The following AAMDC variants were observed in gnomAD, a reference collection of about 807,000 sequenced individuals.
AAMDC encodes mth938 domain-containing protein.
AAMDC carries 16 observed loss-of-function variants against 15.5 expected under a neutral mutation model. The observed-to-expected ratio is 1.03, with a 90% CI of 0.70 to 1.57. The LOEUF is 1.57. Among genes scored for constraint, AAMDC ranks in the 40% most tolerant of loss-of-function variants. AAMDC has a pLI of 0.00. For missense variants in AAMDC, 141 were observed against 144.9 expected (o/e 0.97, Z 0.14); for synonymous variants, 51 against 51.6 (o/e 0.99, Z 0.05).
intron 5 of AAMDC, chr11:77,878,564 T>C: frequency 2.0e-6 from 1 of 510,152 alleles, no homozygotes; most frequent in South Asian, 3.5e-5. Flanking sequence ...AAACACACCG[T>C]CACTTTAAGA....
At chr11:77,880,451 A>T (rs894606367) in intron 5 of AAMDC, among the ~76,000 whole-genome samples, 10 of 152,224 alleles carry the variant, frequency 6.6e-5, no homozygotes, top group African/African-American at 4.8e-5. Context: ...TGATAAGCAC[A>T]CACTCACATG....
intron 2 of AAMDC, among the ~76,000 whole-genome samples, chr11:77,860,227 G>A (rs1260534546): frequency 2.6e-5 from 4 of 152,190 alleles, no homozygotes; most frequent in Non-Finnish European, 5.9e-5. Context: ...TCTGCTTCAG[G>A]TTTCCACCTT....
At chr11:77,865,257 T>A (rs560137995) in intron 2 of AAMDC, among the ~76,000 whole-genome samples, 1 of 152,184 alleles carries the variant, frequency 6.6e-6, no homozygotes, top group Non-Finnish European at 1.5e-5. Flanking sequence ...ATCTCAAAAT[T>A]CAGTAGCATA....
chr11:77,879,493 T>C (rs1244081247), intron 5 of AAMDC, among the ~76,000 whole-genome samples: 1 of 152,200 alleles, frequency 6.6e-6, no homozygotes. Context: ...TGATACCCAG[T>C]TGGGCTCTTC....
At chr11:77,844,310 A>G (rs1790246) in intron 2 of AAMDC, among the ~76,000 whole-genome samples, 116,752 of 152,100 alleles carry the variant, frequency 0.77, 45,406 homozygotes, top group African/African-American at 0.89. Context: ...ACATTTTTAA[A>G]GGACACACAT....
At chr11:77,898,830 G>A (rs1371665358) in intron 5 of AAMDC, among the ~76,000 whole-genome samples, 1 of 152,014 alleles carries the variant, frequency 6.6e-6, no homozygotes, top group Non-Finnish European at 1.5e-5. Flanking sequence ...GACCAGCATG[G>A]CCAACATGGT....
chr11:77,879,719 C>G (rs1249518187), intron 5 of AAMDC, among the ~76,000 whole-genome samples: 2 of 152,070 alleles, frequency 1.3e-5, no homozygotes, highest in Non-Finnish European at 2.9e-5. Context: ...CAGGTCCTAG[C>G]AAGAATAATT....
downstream of AAMDC, among the ~76,000 whole-genome samples, chr11:77,872,883 A>G (rs1358586955): frequency 2.6e-5 from 4 of 152,332 alleles, no homozygotes; most frequent in East Asian, 3.9e-4. Context: ...CCCAAGAGGT[A>G]GAGGTTGCGG....
chr11:77,837,053 G>A (rs1949712144), intron 1 of AAMDC, among the ~76,000 whole-genome samples: 1 of 152,246 alleles, frequency 6.6e-6, no homozygotes, highest in Non-Finnish European at 1.5e-5. Context: ...CATGTTTTAT[G>A]AATTTGTATC....
intron 1 of AAMDC, among the ~76,000 whole-genome samples, chr11:77,822,414 CA>C (rs66463325): frequency 0.021 from 1,598 of 74,708 alleles, 11 homozygotes; most frequent in African/African-American, 0.074. Flanking sequence ...GACTCCACCT[CA>C]AAAAAAAAAA....
intron 5 of AAMDC, among the ~76,000 whole-genome samples, chr11:77,885,981 G>A (rs1191911684): frequency 3.3e-5 from 5 of 152,054 alleles, no homozygotes. Flanking sequence ...CGGGAGGATT[G>A]CTTGAAGACA....
chr11:77,851,205 G>A (rs541823028), intron 2 of AAMDC, among the ~76,000 whole-genome samples: 3 of 152,052 alleles, frequency 2.0e-5, no homozygotes, highest in Non-Finnish European at 2.9e-5. Flanking sequence ...CACCTGCCTC[G>A]GCCTCCCAAA....
At chr11:77,897,661 C>T (rs1273573577) in intron 5 of AAMDC, among the ~76,000 whole-genome samples, 9 of 135,496 alleles carry the variant, frequency 6.6e-5, no homozygotes, top group South Asian at 2.2e-4. Flanking sequence ...CCACCACGCC[C>T]GGCTAATTTT....
intron 5 of AAMDC, among the ~76,000 whole-genome samples, chr11:77,882,704 C>A (rs952132371): frequency 6.6e-6 from 1 of 152,154 alleles, no homozygotes; most frequent in African/African-American, 2.4e-5. Flanking sequence ...CACTAGAACC[C>A]CAAAGGGGCT....
chr11:77,898,778 G>A (rs1003594218), intron 5 of AAMDC, among the ~76,000 whole-genome samples: 1 of 152,166 alleles, frequency 6.6e-6, no homozygotes, highest in African/African-American at 2.4e-5. Flanking sequence ...CCAGCACTTT[G>A]GGAGGCCAAG....
intron 5 of AAMDC, among the ~76,000 whole-genome samples, chr11:77,878,124 A>G (rs949646280): frequency 4.6e-5 from 7 of 152,130 alleles, no homozygotes; most frequent in Non-Finnish European, 1.0e-4. Flanking sequence ...GCATTTTGGG[A>G]GGCCAAGGTG....
At chr11:77,839,872 C>T (rs907162555) in intron 1 of AAMDC, among the ~76,000 whole-genome samples, 1 of 152,034 alleles carries the variant, frequency 6.6e-6, no homozygotes, top group Admixed American at 6.6e-5. Flanking sequence ...CCATGTGGGG[C>T]TTAATACCTA....
chr11:77,841,297 C>G, intron 1 of AAMDC: 1 of 696,404 alleles, frequency 1.4e-6, no homozygotes, highest in Non-Finnish European at 2.6e-6. Context: ...GACATTCAAA[C>G]CATAGCACTA....
intron 2 of AAMDC, among the ~76,000 whole-genome samples, chr11:77,861,908 C>T (rs1450107510): frequency 6.6e-6 from 1 of 152,194 alleles, no homozygotes; most frequent in East Asian, 1.9e-4. Flanking sequence ...CTAATGTCTG[C>T]AGCTGACTGA....
Sources: gnomAD v4.1 joint callset for allele counts (sites outside exome capture counted in the v4.1 genomes callset) on GRCh38, gnomAD v4.1.1 for gene constraint, MANE v1.5 for transcripts, NCBI Gene and HGNC (gene_info 2026-07-23, HGNC 2026-07-21) for gene names.